DLGAP4: variants seen among roughly 807,000 people sequenced by gnomAD.
The protein encoded by DLGAP4 is disks large-associated protein 4.
A neutral mutation model predicts 86.9 loss-of-function variants in DLGAP4; 18 were observed. That is an observed-to-expected ratio of 0.21 (90% CI 0.14 to 0.31). The LOEUF (loss-of-function observed/expected upper bound fraction) is 0.31. Ranked by LOEUF, DLGAP4 falls within the 10% of genes least tolerant of loss-of-function variation. The probability of loss-of-function intolerance (pLI) is 1.00; values close to 1 mark genes in which losing one functional copy is unlikely to be tolerated. For synonymous variants in DLGAP4, 548 were observed against 574.3 expected (o/e 0.95, Z 0.65); for missense variants, 1,085 against 1,362.6 (o/e 0.80, Z 3.21).
rs141641890 is a variant in DLGAP4, at chr20:36,427,669, G to A, written c.-72-3977G>A. Reference sequence around the variant, plus strand: ...TTTAAAAAAGGAAAAAAGGCTGGGTGCAGTGGCTCACGCCTGTAATCCCAG... The same window carrying A: ...TTTAAAAAAGGAAAAAAGGCTGGGTACAGTGGCTCACGCCTGTAATCCCAG... On this transcript the variant is annotated intron_variant, in intron 2 of 12. Transcript: ENST00000339266. 2.4e-4 allele frequency among the ~76,000 whole-genome samples: 37 copies of A among 152,214 alleles called. No individual in the cohort carries two copies. The East Asian group carries it at 7.1e-3, about 29-fold the overall frequency.
intron 4 of DLGAP4, 112 bp from the exon 5 acceptor site, chr20:36,439,642 G>A: frequency 1.2e-6 from 1 of 864,026 alleles, no homozygotes; most frequent in Admixed American, 2.2e-5. Flanking sequence ...CCCTGCGGCT[G>A]CAGCGGGCAT....
Position 36,527,032 on chromosome 20 carries a change from G to A in DLGAP4, c.*1G>A. The A allele has an allele frequency of 6.3e-7, 1 of 1,589,502 alleles. No individual in the cohort carries two copies. Among genetic ancestry groups the A allele is most frequent in the Non-Finnish European group, 8.6e-7 (1 of 1,168,202 alleles). ...CCCGGAGGCCCAGACCAGGCTCTGA[G>A]ACCATGCAGGAGGAAAGAAACGATT... On this transcript the variant is annotated 3_prime_UTR_variant, in exon 13 of 13. Coordinates refer to ENST00000339266, the MANE Select transcript of DLGAP4 (RefSeq NM_001365621.2).
At chr20:36,482,555 C>T (rs1287901879) in intron 7 of DLGAP4, among the ~76,000 whole-genome samples, 1 of 152,220 alleles carries the variant, frequency 6.6e-6, no homozygotes, top group Non-Finnish European at 1.5e-5. Flanking sequence ...AGTCCTTCAC[C>T]AGACCAAGCG....
At position 36,499,569 on chromosome 20, in the gene DLGAP4, G is replaced by A. The variant is rs781598037; in HGVS notation, c.2011-19G>A. On this transcript the variant is annotated intron_variant, in intron 8 of 12. Coordinates refer to ENST00000339266, the MANE Select transcript of DLGAP4 (RefSeq NM_001365621.2). Reference sequence around the variant, plus strand: ...TTGTCTTTGTCTCCGTGCCGTTGCTGTCGTTGTCCTTCAATAAGGTTGACT... The same window carrying A: ...TTGTCTTTGTCTCCGTGCCGTTGCTATCGTTGTCCTTCAATAAGGTTGACT... 56 of 1,612,398 alleles carry A rather than the reference G, an allele frequency of 3.5e-5. No homozygotes were observed. The highest frequency in any genetic ancestry group is 1.7e-4 in the Admixed American group (10 of 59,858).
At chr20:36,359,471 C>T (rs2030442557) in intron 1 of DLGAP4, among the ~76,000 whole-genome samples, 1 of 152,182 alleles carries the variant, frequency 6.6e-6, no homozygotes, top group Admixed American at 6.5e-5. Context: ...TATTTTAAGC[C>T]CTGATCCTTC....
intron 7 of DLGAP4, among the ~76,000 whole-genome samples, chr20:36,465,624 G>A (rs148475224): frequency 0.014 from 2,171 of 152,234 alleles, 27 homozygotes; most frequent in South Asian, 0.026. Flanking sequence ...AGGCTATCTG[G>A]AGGCTGGGTG....
In DLGAP4 at chr20:36,420,834, G is replaced by A. The variant is rs143416524; in HGVS notation, c.-72-10812G>A. Among the ~76,000 whole-genome samples the A allele has an allele frequency of 7.6e-3, 1,158 of 152,260 alleles. 12 individuals carry two copies. Among genetic ancestry groups the A allele is most frequent in the African/African-American group, 0.026 (1,066 of 41,562 alleles). On this transcript the variant is annotated intron_variant, in intron 2 of 12. Coordinates refer to ENST00000339266, the MANE Select transcript of DLGAP4 (RefSeq NM_001365621.2). ...ACTAAAAATTCAAAATTAGCCAGGC[G>A]TGGTGGCGCATGCCTGTAATCCCAG...
intron 2 of DLGAP4, among the ~76,000 whole-genome samples, chr20:36,388,091 G>A (rs2031661310): frequency 6.6e-6 from 1 of 152,216 alleles, no homozygotes; most frequent in Non-Finnish European, 1.5e-5. Context: ...AAACACGTTT[G>A]CAAAGTCGCC....
At chr20:36,450,573 C>T (rs753780556) in intron 7 of DLGAP4, among the ~76,000 whole-genome samples, 1 of 152,134 alleles carries the variant, frequency 6.6e-6, no homozygotes, top group Non-Finnish European at 1.5e-5. Flanking sequence ...TCATGCCCTT[C>T]CCAGGTAGAA....
At chr20:36,337,403 G>T (rs1395163279) in intron 1 of DLGAP4, among the ~76,000 whole-genome samples, 1 of 152,188 alleles carries the variant, frequency 6.6e-6, no homozygotes, top group Non-Finnish European at 1.5e-5. Flanking sequence ...AAGGCTTCAG[G>T]TTGGGGATGT....
chr20:36,309,448 G>T (rs913371137), intron 1 of DLGAP4, among the ~76,000 whole-genome samples: 1 of 152,190 alleles, frequency 6.6e-6, no homozygotes, highest in African/African-American at 2.4e-5. Context: ...CTGGGGAATG[G>T]GGGGAGACTT....
rs1555893367 is a variant in DLGAP4, at chr20:36,350,242, TTC to T, written c.-303-16799_-303-16798del. On this transcript the variant is annotated intron_variant, in intron 1 of 12. Coordinates refer to ENST00000339266, the MANE Select transcript of DLGAP4 (RefSeq NM_001365621.2). The surrounding 1 kb of genome is among the most constrained non-coding windows in gnomAD (Gnocchi z 4.4). ...GGCCCCCCAGCCCTTCGGCATCAGT[TTC>T]TCTTTGTGTGCTAGAGACAGTTTCC... Among the ~76,000 whole-genome samples the T allele has an allele frequency of 6.6e-6, 1 of 152,206 alleles. No homozygotes were observed. Among genetic ancestry groups the T allele is most frequent in the African/African-American group, 2.4e-5 (1 of 41,456 alleles).
At chr20:36,387,663 T>C (rs988915617) in intron 2 of DLGAP4, among the ~76,000 whole-genome samples, 2 of 152,208 alleles carry the variant, frequency 1.3e-5, no homozygotes, top group African/African-American at 4.8e-5. Flanking sequence ...CAAGTTTAGG[T>C]CTTTTATCTT....
chr20:36,370,518 C>T (rs1431164331), intron 2 of DLGAP4, among the ~76,000 whole-genome samples: 1 of 151,528 alleles, frequency 6.6e-6, no homozygotes. Flanking sequence ...AGGAGTGGGA[C>T]GTTCCTAGGG....
intron 8 of DLGAP4, 141 bp from the exon 9 acceptor site, chr20:36,499,447 A>G: frequency 1.5e-6 from 2 of 1,350,490 alleles, no homozygotes; most frequent in South Asian, 1.3e-5. Context: ...GCCCACGTGC[A>G]GTGTCCGCAT....
chr20:36,355,824 C>T (rs2030308604), intron 1 of DLGAP4, among the ~76,000 whole-genome samples: 1 of 152,210 alleles, frequency 6.6e-6, no homozygotes, highest in Non-Finnish European at 1.5e-5. Context: ...TCCCATATAA[C>T]CTCCCTTTTC....
chr20:36,477,142 C>G (rs1029552953), intron 7 of DLGAP4, among the ~76,000 whole-genome samples: 2 of 151,094 alleles, frequency 1.3e-5, no homozygotes, highest in Non-Finnish European at 2.9e-5. Context: ...TGTCACCCAG[C>G]TTGGAGTGCA....
intron 2 of DLGAP4, among the ~76,000 whole-genome samples, chr20:36,405,214 T>A (rs555029752): frequency 6.6e-6 from 1 of 152,272 alleles, no homozygotes; most frequent in African/African-American, 2.4e-5. Context: ...AAGATGTGGA[T>A]AGTGGTTAAG....
rs112705414 is a variant in DLGAP4 at position 36,525,596 on chromosome 20, A to G, written c.2605-255A>G. On this transcript the variant is annotated intron_variant, in intron 11 of 12. Coordinates refer to ENST00000339266, the MANE Select transcript of DLGAP4 (RefSeq NM_001365621.2). ...AAAACGAGAATACCTGTCTGCTAGC[A>G]TACACATACATTAGGGACAGGAGTG... 7.6e-3 allele frequency: 4,260 copies of G among 557,110 alleles called. 144 individuals carry two copies. The highest frequency in any genetic ancestry group is 0.072 in the African/African-American group (3,845 of 53,372). The allele number at this position is 557,110 out of a possible 1,614,324, so 34.5% of individuals were successfully genotyped here. A position where few individuals can be genotyped will look rare whatever the true frequency, so the allele number is the denominator to read the frequency against.
Sources: gnomAD v4.1 joint callset for allele counts (sites outside exome capture counted in the v4.1 genomes callset) on GRCh38, gnomAD v4.1.1 for gene constraint, Gnocchi (gnomAD v3.1) non-coding constraint, MANE v1.5 for transcripts, NCBI Gene and HGNC (gene_info 2026-07-23, HGNC 2026-07-21) for gene names.